The following TBC1D5 variants were observed in gnomAD, a reference collection of about 807,000 sequenced individuals.
TBC1D5 encodes the protein TBC1 domain family, member 5.
Under a neutral mutation model 100.3 loss-of-function variants are expected in TBC1D5, and 75 were observed. The observed-to-expected ratio is 0.75, with a 90% CI of 0.62 to 0.91. The LOEUF is 0.91. Ranked by LOEUF, TBC1D5 falls within the 40% of genes least tolerant of loss-of-function variation. The pLI, the probability that TBC1D5 is intolerant of heterozygous loss-of-function variation, is 0.00. For synonymous variants in TBC1D5, 323 were observed against 325.6 expected (o/e 0.99, Z 0.09); for missense variants, 910 against 942.4 (o/e 0.97, Z 0.45).
intron 13 of TBC1D5, among the ~76,000 whole-genome samples, chr3:17,332,132 G>A (rs2086954885): frequency 6.6e-6 from 1 of 152,146 alleles, no homozygotes; most frequent in Non-Finnish European, 1.5e-5. Context: ...ATCTGTAATA[G>A]TTCCGATAAG....
At position 17,615,722 on chromosome 3, in the gene TBC1D5, C is replaced by G. The variant is rs531917348; in HGVS notation, c.-36+8127G>C. Among the ~76,000 whole-genome samples the G allele has an allele frequency of 5.3e-5, 8 of 152,294 alleles. No homozygotes were observed. In the South Asian group the frequency reaches 1.4e-3, roughly 28 times the overall value. On this transcript the variant is annotated intron_variant, in intron 2 of 21. Transcript: ENST00000253692. ...ATGGTAGTTTGTATTTCTGTGGGATCAGTGATAATATTCCCTTTATCACTT... is the reference window on the plus strand; with the variant it reads ...ATGGTAGTTTGTATTTCTGTGGGATGAGTGATAATATTCCCTTTATCACTT...
At chr3:17,197,995 C>A (rs547155469) in intron 18 of TBC1D5, among the ~76,000 whole-genome samples, 2 of 152,262 alleles carry the variant, frequency 1.3e-5, no homozygotes, top group Non-Finnish European at 2.9e-5. Context: ...CGAGATTGTG[C>A]CACTGCACTC....
chr3:17,643,345 C>T (rs1289329627), intron 1 of TBC1D5, among the ~76,000 whole-genome samples: 1 of 152,052 alleles, frequency 6.6e-6, no homozygotes, highest in Non-Finnish European at 1.5e-5. Context: ...TAACCTTCAT[C>T]ACTTAGTGTC....
At chr3:17,488,037 T>G (rs78470539) in intron 3 of TBC1D5, among the ~76,000 whole-genome samples, 2 of 152,272 alleles carry the variant, frequency 1.3e-5, no homozygotes, top group East Asian at 3.9e-4. Flanking sequence ...CTATACATTT[T>G]ATATGCTTTG....
intron 18 of TBC1D5, among the ~76,000 whole-genome samples, chr3:17,212,251 ATGG>A (rs978862334): frequency 1.3e-5 from 2 of 152,136 alleles, no homozygotes; most frequent in African/African-American, 4.8e-5. Flanking sequence ...CACATACATG[ATGG>A]TGGTCCCATA....
intron 2 of TBC1D5, among the ~76,000 whole-genome samples, chr3:17,538,656 G>A (rs1240767799): frequency 1.3e-5 from 2 of 152,184 alleles, no homozygotes; most frequent in East Asian, 3.8e-4. Context: ...CAAGAATCAA[G>A]TTGTTGCAGA....
intron 1 of TBC1D5, among the ~76,000 whole-genome samples, chr3:17,645,561 A>G (rs2064943087): frequency 6.6e-6 from 1 of 152,138 alleles, no homozygotes; most frequent in African/African-American, 2.4e-5. Context: ...CTGTTTTTCT[A>G]CAATGGATGA....
chr3:17,189,191 CT>C (rs1307273260), intron 18 of TBC1D5, among the ~76,000 whole-genome samples: 1 of 152,126 alleles, frequency 6.6e-6, no homozygotes, highest in Non-Finnish European at 1.5e-5. Flanking sequence ...ATTATTCTTT[CT>C]TTAAAAAAAT....
chr3:17,412,918 C>T lies in TBC1D5; in HGVS notation c.168-6392G>A, dbSNP rs140384177. On this transcript the variant is annotated intron_variant, in intron 4 of 21. Transcript: ENST00000253692. ...GGCAACAAGGCAATATAGAAATATA[C>T]CCTTGTTTTCTTCCTCAGATTTTTA... Among the ~76,000 whole-genome samples the T allele has an allele frequency of 2.3e-3, 351 of 152,138 alleles. 1 individual carries two copies. The highest frequency in any genetic ancestry group is 3.4e-3 in the Middle Eastern group (1 of 294).
chr3:17,390,121 A>T (rs1326318919), intron 8 of TBC1D5, among the ~76,000 whole-genome samples: 1 of 152,162 alleles, frequency 6.6e-6, no homozygotes, highest in Non-Finnish European at 1.5e-5. Flanking sequence ...GAAGTAGTTT[A>T]TGACAACTAG....
chr3:17,179,879 G>A lies in TBC1D5; in HGVS notation c.1852+5230C>T, dbSNP rs80186322. ...ATGGAAACACTTCCATTGGGAGCAG[G>A]AGGGTATGGGCATTAGAGCCCAGAA... On this transcript the variant is annotated intron_variant, in intron 19 of 21. Transcript: ENST00000253692. 8.8e-3 allele frequency among the ~76,000 whole-genome samples: 1,338 copies of A among 152,318 alleles called. 16 individuals are homozygous for A. Among genetic ancestry groups the A allele is most frequent in the African/African-American group, 0.03 (1,260 of 41,562 alleles).
chr3:17,703,306 T>C (rs1223342374), intron 1 of TBC1D5, among the ~76,000 whole-genome samples: 1 of 151,356 alleles, frequency 6.6e-6, no homozygotes, highest in Non-Finnish European at 1.5e-5. Context: ...AGGTAGGCTT[T>C]AAAAAAAAAT....
intron 4 of TBC1D5, among the ~76,000 whole-genome samples, chr3:17,421,428 A>T (rs544598429): frequency 6.6e-6 from 1 of 152,344 alleles, no homozygotes; most frequent in South Asian, 2.1e-4. Flanking sequence ...GCGATTATAT[A>T]AAAGTTCCTC....
chr3:17,579,261 T>A (rs1203119613), intron 2 of TBC1D5, among the ~76,000 whole-genome samples: 1 of 152,058 alleles, frequency 6.6e-6, no homozygotes, highest in Non-Finnish European at 1.5e-5. Context: ...GAAGTAAAAA[T>A]TTCAAATTTC....
chr3:17,277,712 G>T (rs2149818561), intron 15 of TBC1D5, among the ~76,000 whole-genome samples: 1 of 152,292 alleles, frequency 6.6e-6, no homozygotes, highest in East Asian at 1.9e-4. Flanking sequence ...GAAATAGTGT[G>T]TGGGAGTAAT....
intron 15 of TBC1D5, among the ~76,000 whole-genome samples, chr3:17,267,867 T>C (rs566263148): frequency 3.3e-5 from 5 of 152,258 alleles, no homozygotes; most frequent in Admixed American, 2.6e-4. Flanking sequence ...TGAAAAAACA[T>C]CTTGGAATTA....
In TBC1D5 at chr3:17,357,398, G is replaced by A. The variant is rs2151814049; in HGVS notation, c.995+14677C>T. On this transcript the variant is annotated intron_variant, in intron 13 of 21. Transcript: ENST00000253692. ...CTGCATTTTCCACAAAAGAGTGGGA[G>A]TGAAAAGTCAAAAGAGTGGGAGTGA... 1.3e-5 allele frequency among the ~76,000 whole-genome samples: 2 copies of A among 152,270 alleles called. 1 individual carries two copies. Among genetic ancestry groups the A allele is most frequent in the Middle Eastern group, 6.8e-3 (2 of 294 alleles).
intron 2 of TBC1D5, among the ~76,000 whole-genome samples, chr3:17,532,546 T>C (rs531780090): frequency 2.1e-4 from 32 of 152,320 alleles, no homozygotes; most frequent in African/African-American, 7.0e-4. Context: ...CGTATGTTTA[T>C]TGTGGCACTA....
At chr3:17,295,298 T>A (rs1053349580) in intron 14 of TBC1D5, among the ~76,000 whole-genome samples, 4 of 152,224 alleles carry the variant, frequency 2.6e-5, no homozygotes, top group Non-Finnish European at 5.9e-5. Flanking sequence ...ACTGAAACTT[T>A]ATTCCTCCCA....
Sources: allele counts gnomAD v4.1 joint callset (sites outside exome capture counted in the v4.1 genomes callset), GRCh38; gene constraint gnomAD v4.1.1; transcripts MANE v1.5; gene names NCBI Gene and HGNC (gene_info 2026-07-23, HGNC 2026-07-21).